The following ZBTB7C variants were observed in gnomAD, a reference collection of about 807,000 sequenced individuals.
The protein encoded by ZBTB7C is zinc finger and BTB domain-containing protein 7C.
ZBTB7C carries 8 observed loss-of-function variants against 25.7 expected under a neutral mutation model. The ratio of observed to expected loss-of-function variants is 0.31; its 90% CI spans 0.18 to 0.56. The LOEUF (loss-of-function observed/expected upper bound fraction) is 0.56. Ranked by LOEUF, ZBTB7C falls within the 20% of genes least tolerant of loss-of-function variation. The probability of loss-of-function intolerance (pLI) is 0.91; values close to 1 mark genes in which losing one functional copy is unlikely to be tolerated. For synonymous variants in ZBTB7C, 394 were observed against 369.0 expected (o/e 1.07, Z -0.78); for missense variants, 824 against 855.2 (o/e 0.96, Z 0.46).
chr18:48,273,830 T>G (rs1386552696), intron 2 of ZBTB7C, among the ~76,000 whole-genome samples: 1 of 152,156 alleles, frequency 6.6e-6, no homozygotes, highest in South Asian at 2.1e-4. Flanking sequence ...TTAAGTGGTT[T>G]TCTAGAGTAG....
chr18:48,029,510 G>A lies in ZBTB7C; in HGVS notation c.1610C>T (p.Ala537Val), dbSNP rs766418082. The A allele has an allele frequency of 1.6e-5, 26 of 1,587,610 alleles. No homozygotes were observed. Among genetic ancestry groups the A allele is most frequent in the Non-Finnish European group, 2.0e-5 (24 of 1,173,554 alleles). The change falls in exon 5 of 5, where the codon GCG (alanine) becomes GTG (valine). Residue 537 changes from alanine to valine, a missense_variant. Ala to Val is a moderately conservative substitution (Grantham distance 64). Coordinates refer to ENST00000590800, the MANE Select transcript of ZBTB7C (RefSeq NM_001318841.2). ...GPSPAKHFLA[A>V]PKGALSLQEL... Reference sequence around the variant, plus strand: ...TTGCAGGCTCAGGGCGCCCTTGGGCGCTGCCAGGAAGTGCTTGGCGGGGCT... The same window carrying A: ...TTGCAGGCTCAGGGCGCCCTTGGGCACTGCCAGGAAGTGCTTGGCGGGGCT...
chr18:48,380,950 G>C (rs1357653194), intron 1 of ZBTB7C, among the ~76,000 whole-genome samples: 2 of 152,182 alleles, frequency 1.3e-5, no homozygotes, highest in Admixed American at 1.3e-4. Context: ...CCACCTTTTG[G>C]AGAGAAAAAG....
intron 3 of ZBTB7C, among the ~76,000 whole-genome samples, chr18:48,046,636 G>A (rs567165024): frequency 7.9e-5 from 12 of 152,324 alleles, no homozygotes; most frequent in South Asian, 2.1e-4. Flanking sequence ...GCTGGAACCC[G>A]TTAGTCCACG....
At chr18:48,325,064 T>C (rs775826340) in intron 2 of ZBTB7C, among the ~76,000 whole-genome samples, 1 of 152,138 alleles carries the variant, frequency 6.6e-6, no homozygotes, top group Non-Finnish European at 1.5e-5. Context: ...ACACTGAGTT[T>C]GAAAGGTGCT....
chr18:48,042,542 C>T (rs1484107743), intron 3 of ZBTB7C, among the ~76,000 whole-genome samples: 1 of 152,166 alleles, frequency 6.6e-6, no homozygotes, highest in African/African-American at 2.4e-5. Context: ...AAGGCAGAGG[C>T]AGGGGGAGGG....
chr18:48,046,628 T>C (rs1043219251), intron 3 of ZBTB7C, among the ~76,000 whole-genome samples: 19 of 152,364 alleles, frequency 1.2e-4, no homozygotes, highest in Admixed American at 1.0e-3. Context: ...ATAGAAGAGC[T>C]GGAACCCGTT....
intron 3 of ZBTB7C, among the ~76,000 whole-genome samples, chr18:48,094,153 T>C (rs2038529480): frequency 6.6e-6 from 1 of 152,256 alleles, no homozygotes; most frequent in Admixed American, 6.5e-5. Flanking sequence ...TTCTGGCTAC[T>C]GTTCAACTGC....
chr18:48,399,288 T>C (rs2145303453), intron 1 of ZBTB7C, among the ~76,000 whole-genome samples: 1 of 152,366 alleles, frequency 6.6e-6, no homozygotes, highest in Middle Eastern at 3.4e-3. Context: ...GAGAGAAAGA[T>C]GTTTCACTTT....
chr18:48,221,131 CTGTCCTATTCTCCTCTATAT>C (rs1397645186), intron 2 of ZBTB7C, among the ~76,000 whole-genome samples: 28 of 150,916 alleles, frequency 1.9e-4, no homozygotes, highest in Admixed American at 1.8e-3. Context: ...CTCCTCTATA[CTGTCCTATTCTCCTCTATAT>C]TGTCCTAGTC....
In ZBTB7C at chr18:48,029,157, T is replaced by C. The variant is rs2035615039; in HGVS notation, c.*103A>G. On this transcript the variant is annotated 3_prime_UTR_variant, in exon 5 of 5. Coordinates refer to ENST00000590800, the MANE Select transcript of ZBTB7C (RefSeq NM_001318841.2). ...TTATTATTATTTTCCCATTTTCCCT[T>C]TGTGTTTTTAAAATGAAAAGTTCAG... The C allele has an allele frequency of 1.5e-5, 21 of 1,361,786 alleles. No homozygotes were observed. Among genetic ancestry groups the C allele is most frequent in the Non-Finnish European group, 1.9e-5 (20 of 1,035,832 alleles). 84.4% of individuals were successfully genotyped at this position (1,361,786 alleles called of 1,614,324 possible). A position where few individuals can be genotyped will look rare whatever the true frequency, so the allele number is the denominator to read the frequency against.
chr18:48,304,841 CAAA>C (rs35398428), intron 2 of ZBTB7C, among the ~76,000 whole-genome samples: 2,233 of 90,328 alleles, frequency 0.025, 63 homozygotes, highest in African/African-American at 0.088. Context: ...GGCTCTACCT[CAAA>C]AAAAAAAAAA....
chr18:48,335,761 T>C lies in ZBTB7C; in HGVS notation c.-79+2413A>G, dbSNP rs192183004. ...AATACACTGTAGACTTCAAACACTT[T>C]GTATGAAAAGAATGTAAAATATCTC... On this transcript the variant is annotated intron_variant, in intron 2 of 4. Transcript: ENST00000590800. 8.2e-4 allele frequency among the ~76,000 whole-genome samples: 125 copies of C among 152,334 alleles called. 1 individual carries two copies. The highest frequency in any genetic ancestry group is 2.9e-3 in the African/African-American group (121 of 41,572).
At chr18:48,077,054 G>T (rs996855493) in intron 3 of ZBTB7C, 1,603 of 318,926 alleles carry the variant, frequency 5.0e-3, no homozygotes, top group South Asian at 6.5e-3. Context: ...ACAATATGTT[G>T]TTATATGCAA....
At chr18:48,349,462 G>A (rs923173976) in intron 1 of ZBTB7C, among the ~76,000 whole-genome samples, 3 of 151,224 alleles carry the variant, frequency 2.0e-5, no homozygotes, top group Non-Finnish European at 4.4e-5. Flanking sequence ...CTGTTGAGAT[G>A]ACACATTGAC....
At chr18:48,153,110 C>A (rs1418217453) in intron 3 of ZBTB7C, among the ~76,000 whole-genome samples, 2 of 152,226 alleles carry the variant, frequency 1.3e-5, no homozygotes, top group Non-Finnish European at 2.9e-5. Flanking sequence ...AAGGGCTGGA[C>A]TCTGAATATC....
intron 2 of ZBTB7C, among the ~76,000 whole-genome samples, chr18:48,271,323 A>G (rs2144576204): frequency 6.6e-6 from 1 of 152,224 alleles, no homozygotes; most frequent in South Asian, 2.1e-4. Context: ...TTATGACAAT[A>G]GAGGCAAAAA....
chr18:48,326,941 G>A (rs1224562627), intron 2 of ZBTB7C, among the ~76,000 whole-genome samples: 1 of 152,194 alleles, frequency 6.6e-6, no homozygotes, highest in Non-Finnish European at 1.5e-5. Context: ...ATAACACAAA[G>A]TCCTGCAGGT....
At chr18:48,259,896 T>G (rs2044123130) in intron 2 of ZBTB7C, among the ~76,000 whole-genome samples, 1 of 152,168 alleles carries the variant, frequency 6.6e-6, no homozygotes, top group African/African-American at 2.4e-5. Context: ...ACTAGAACTC[T>G]CCTATATCAC....
At chr18:48,202,259 G>C (rs1432348776) in intron 2 of ZBTB7C, among the ~76,000 whole-genome samples, 1 of 152,198 alleles carries the variant, frequency 6.6e-6, no homozygotes, top group East Asian at 1.9e-4. Flanking sequence ...CGCAGAGAGG[G>C]AGCCCAAAGC....
Sources: allele counts gnomAD v4.1 joint callset (sites outside exome capture counted in the v4.1 genomes callset), GRCh38; gene constraint gnomAD v4.1.1; transcripts MANE v1.5; gene names NCBI Gene and HGNC (gene_info 2026-07-23, HGNC 2026-07-21).